ADGRB3: variants seen among roughly 807,000 people sequenced by gnomAD.
ADGRB3 encodes adhesion G protein-coupled receptor B3, also known as brain-specific angiogenesis inhibitor 3.
A neutral mutation model predicts 193.4 loss-of-function variants in ADGRB3; 37 were observed. That is an observed-to-expected ratio of 0.19 (90% CI 0.15 to 0.25). The LOEUF is 0.25. Among genes scored for constraint, ADGRB3 ranks in the 10% least tolerant of loss-of-function variants. The pLI, the probability that ADGRB3 is intolerant of heterozygous loss-of-function variation, is 1.00. For synonymous variants in ADGRB3, 690 were observed against 644.2 expected (o/e 1.07, Z -1.08); for missense variants, 1,637 against 1,852.9 (o/e 0.88, Z 2.14).
chr6:68,889,778 A>G (rs1766020837), intron 3 of ADGRB3, among the ~76,000 whole-genome samples: 1 of 152,322 alleles, frequency 6.6e-6, no homozygotes, highest in Admixed American at 6.5e-5. Context: ...CTGGGATTAC[A>G]GGCGTGAGCC....
intron 17 of ADGRB3, among the ~76,000 whole-genome samples, chr6:69,081,376 A>G (rs1378722342): frequency 1.3e-5 from 2 of 152,004 alleles, no homozygotes; most frequent in African/African-American, 2.4e-5. Context: ...CTAATGCCAA[A>G]CTTTAGAATG....
intron 3 of ADGRB3, among the ~76,000 whole-genome samples, chr6:68,681,048 CT>C (rs1277521082): frequency 6.6e-6 from 1 of 151,970 alleles, no homozygotes; most frequent in African/African-American, 2.4e-5. Flanking sequence ...CCTCAAGAAG[CT>C]TTCATCATGG....
chr6:69,031,529 C>CT (rs1466447278), intron 13 of ADGRB3, among the ~76,000 whole-genome samples: 1 of 52,418 alleles, frequency 1.9e-5, no homozygotes, highest in Non-Finnish European at 4.3e-5. Flanking sequence ...CTCTTTCTTT[C>CT]TTTCTTTCTT....
chr6:68,775,457 A>G (rs1158494767), intron 3 of ADGRB3, among the ~76,000 whole-genome samples: 2 of 152,134 alleles, frequency 1.3e-5, no homozygotes, highest in Non-Finnish European at 2.9e-5. Flanking sequence ...AGGAATGTCA[A>G]TTTCTCTGTG....
At chr6:69,182,243 A>G (rs1775604012) in intron 17 of ADGRB3, among the ~76,000 whole-genome samples, 1 of 152,166 alleles carries the variant, frequency 6.6e-6, no homozygotes, top group Non-Finnish European at 1.5e-5. Flanking sequence ...TGCAGAGTAG[A>G]GTATGAAGAA....
intron 3 of ADGRB3, among the ~76,000 whole-genome samples, chr6:68,671,645 G>T (rs1467674622): frequency 6.6e-6 from 1 of 151,926 alleles, no homozygotes; most frequent in African/African-American, 2.4e-5. Flanking sequence ...ATGTATTGTT[G>T]AATTTGATTT....
intron 16 of ADGRB3, among the ~76,000 whole-genome samples, chr6:69,068,737 A>C (rs950124430): frequency 6.6e-6 from 1 of 152,180 alleles, no homozygotes; most frequent in African/African-American, 2.4e-5. Flanking sequence ...AAATAGTGTC[A>C]TGTGGTTAAT....
intron 20 of ADGRB3, among the ~76,000 whole-genome samples, chr6:69,297,392 A>ATCTATC (rs1561980461): frequency 8.8e-6 from 1 of 113,262 alleles, no homozygotes; most frequent in Admixed American, 9.4e-5. Context: ...CTCTCTCTCT[A>ATCTATC]TCTCTCTCTC....
chr6:69,023,736 T>G (rs1770340693), intron 13 of ADGRB3, among the ~76,000 whole-genome samples: 1 of 152,030 alleles, frequency 6.6e-6, no homozygotes, highest in Non-Finnish European at 1.5e-5. Context: ...ATCAACACAG[T>G]GAGTCCAAAT....
intron 12 of ADGRB3, among the ~76,000 whole-genome samples, chr6:69,017,563 A>T (rs1353757951): frequency 1.3e-5 from 2 of 151,964 alleles, no homozygotes; most frequent in Non-Finnish European, 2.9e-5. Flanking sequence ...AAATAAAAAA[A>T]CACTCGTCCA....
At chr6:69,269,549 A>AT (rs1248331049) in intron 20 of ADGRB3, among the ~76,000 whole-genome samples, 3 of 152,150 alleles carry the variant, frequency 2.0e-5, no homozygotes, top group Non-Finnish European at 2.9e-5. Flanking sequence ...CTATCAAATA[A>AT]TTTTTTTATT....
intron 17 of ADGRB3, among the ~76,000 whole-genome samples, chr6:69,112,342 G>C (rs770630970): frequency 6.6e-6 from 1 of 152,210 alleles, no homozygotes; most frequent in Admixed American, 6.5e-5. Context: ...ATTATGGTTT[G>C]ATAATTGTTT....
chr6:69,309,706 G>A (rs1359833318), intron 20 of ADGRB3, among the ~76,000 whole-genome samples: 1 of 151,582 alleles, frequency 6.6e-6, no homozygotes, highest in Non-Finnish European at 1.5e-5. Context: ...TGGAATTCTG[G>A]CATTAATGCA....
At chr6:68,921,898 G>A (rs111889586) in intron 3 of ADGRB3, among the ~76,000 whole-genome samples, 8 of 152,074 alleles carry the variant, frequency 5.3e-5, no homozygotes, top group East Asian at 1.9e-4. Context: ...TCGTAGTGAC[G>A]TGGCTTTTGT....
intron 6 of ADGRB3, among the ~76,000 whole-genome samples, chr6:68,947,385 A>G (rs1767801128): frequency 6.6e-6 from 1 of 152,122 alleles, no homozygotes; most frequent in African/African-American, 2.4e-5. Context: ...TTCTCAATTA[A>G]TAATTTACAT....
At chr6:69,131,176 T>C (rs1773997754) in intron 17 of ADGRB3, among the ~76,000 whole-genome samples, 1 of 152,096 alleles carries the variant, frequency 6.6e-6, no homozygotes, top group Non-Finnish European at 1.5e-5. Flanking sequence ...AGATATTTAA[T>C]TAGAAATCAT....
At position 69,018,500 on chromosome 6, in the gene ADGRB3, G is replaced by T; in HGVS notation, c.2107+1G>T. The T allele has an allele frequency of 6.3e-7, 1 of 1,583,838 alleles. No individual in the cohort carries two copies. Among genetic ancestry groups the T allele is most frequent in the Non-Finnish European group, 8.6e-7 (1 of 1,156,522 alleles). On this transcript the variant is annotated splice_donor_variant, in intron 13 of 31. Transcript: ENST00000370598. LOFTEE classifies it high-confidence loss of function. ...TCATACTTAATGACTGGAAATGTAG[G>T]TAAGAAATAGGATTTTCCCCCAAAA...
intron 3 of ADGRB3, among the ~76,000 whole-genome samples, chr6:68,874,274 C>T (rs1363857055): frequency 1.3e-5 from 2 of 152,088 alleles, no homozygotes; most frequent in Non-Finnish European, 2.9e-5. Context: ...ATATGACCTT[C>T]TGGGAAATAA....
At chr6:68,716,266 C>T (rs1765487867) in intron 3 of ADGRB3, among the ~76,000 whole-genome samples, 1 of 151,602 alleles carries the variant, frequency 6.6e-6, no homozygotes, top group South Asian at 2.1e-4. Context: ...GGTAGGTGTT[C>T]ATGTGTTCAT....
Sources: allele counts gnomAD v4.1 joint callset (sites outside exome capture counted in the v4.1 genomes callset), GRCh38; gene constraint gnomAD v4.1.1; transcripts MANE v1.5; gene names NCBI Gene and HGNC (gene_info 2026-07-23, HGNC 2026-07-21).